The following ZPBP2 variants were observed in gnomAD, a reference collection of about 807,000 sequenced individuals.
ZPBP2 encodes zona pellucida binding protein 2.
Under a neutral mutation model 37.5 loss-of-function variants are expected in ZPBP2, and 34 were observed. The observed-to-expected ratio is 0.91, with a 90% CI of 0.69 to 1.21. ZPBP2 has a LOEUF of 1.21. Ranked by LOEUF, ZPBP2 falls within the 50% of genes most tolerant of loss-of-function variation. The pLI, the probability that ZPBP2 is intolerant of heterozygous loss-of-function variation, is 0.00. For missense variants in ZPBP2, 397 were observed against 413.5 expected (o/e 0.96, Z 0.35); for synonymous variants, 143 against 138.4 (o/e 1.03, Z -0.23).
chr17:39,871,406 G>A (rs946334751), intron 3 of ZPBP2, 58 bp from the exon 4 acceptor site: 104 of 1,245,232 alleles, frequency 8.4e-5, no homozygotes, highest in Non-Finnish European at 7.5e-5. Context: ...AACTCCAAGT[G>A]TACTAAATAA....
At position 39,868,261 on chromosome 17, in the gene ZPBP2, C is replaced by T. The variant is rs1174454667; in HGVS notation, c.-94C>T. The stretch of plus-strand genomic sequence containing the variant: ...GGGGAGGCGACCCCGGCGTTCTGCT[C>T]CGCACTGTGGAGGAGGTGGGGAGGT... On this transcript the variant is annotated 5_prime_UTR_variant, in exon 1 of 8. Transcript: ENST00000348931. 5 of 1,469,260 alleles carry T rather than the reference C, an allele frequency of 3.4e-6. No homozygotes were observed. The East Asian group carries it at 6.8e-5, about 20-fold the overall frequency. 91.0% of individuals were successfully genotyped at this position (1,469,260 alleles called of 1,614,324 possible).
At chr17:39,873,727 G>A (rs1216856917) in intron 6 of ZPBP2, among the ~76,000 whole-genome samples, 1 of 152,116 alleles carries the variant, frequency 6.6e-6, no homozygotes, top group South Asian at 2.1e-4. Context: ...GTCACCCTAC[G>A]TTAAGCCAAT....
intron 7 of ZPBP2, among the ~76,000 whole-genome samples, chr17:39,875,866 G>A (rs1317603483): frequency 1.4e-5 from 2 of 144,846 alleles, no homozygotes; most frequent in Non-Finnish European, 3.0e-5. Flanking sequence ...ATAGGTGTGG[G>A]CTACCATGCT....
At chr17:39,875,868 T>C (rs570020178) in intron 7 of ZPBP2, among the ~76,000 whole-genome samples, 1 of 144,310 alleles carries the variant, frequency 6.9e-6, no homozygotes, top group African/African-American at 2.5e-5. Context: ...AGGTGTGGGC[T>C]ACCATGCTTG....
chr17:39,869,915 A>G (rs1243184016), intron 2 of ZPBP2, among the ~76,000 whole-genome samples: 1 of 148,918 alleles, frequency 6.7e-6, no homozygotes, highest in Non-Finnish European at 1.5e-5. Context: ...GGGTTTCACC[A>G]CGTTGGTCAG....
In ZPBP2 at chr17:39,876,727, G is replaced by T; in HGVS notation, c.935G>T (p.Cys312Phe). ...TTTAGTCCTGATGTTAATGTAACTT[G>T]TCAGACCTGCGTTTCCGTCCTTACC... ...ATFSPDVNVT[C>F]QTCVSVLTYG... is the part of the protein sequence containing the mutation. The change falls in exon 8 of 8, where the codon TGT becomes TTT. Residue 312 changes from cysteine to phenylalanine, a missense_variant. By Grantham distance (205) the Cys-to-Phe change is radical. Coordinates refer to ENST00000348931, the MANE Select transcript of ZPBP2 (RefSeq NM_199321.3). 1.9e-6 allele frequency: 3 copies of T among 1,613,928 alleles called. No individual in the cohort carries two copies. Among genetic ancestry groups the T allele is most frequent in the Non-Finnish European group, 2.5e-6 (3 of 1,179,914 alleles).
intron 2 of ZPBP2, 129 bp downstream of exon 2, chr17:39,868,743 G>T: frequency 9.6e-7 from 1 of 1,040,516 alleles, no homozygotes; most frequent in Non-Finnish European, 1.4e-6. Flanking sequence ...CTAAGCATCT[G>T]CTTGGCAGTT....
At chr17:39,873,326 C>T (rs961065225) in intron 6 of ZPBP2, among the ~76,000 whole-genome samples, 200 bp downstream of exon 6, 4 of 151,896 alleles carry the variant, frequency 2.6e-5, no homozygotes, top group Admixed American at 1.3e-4. Context: ...GTAAATACTT[C>T]GTTATATTGA....
At chr17:39,871,685 G>T in intron 4 of ZPBP2, 60 bp downstream of exon 4, 1 of 1,332,878 alleles carries the variant, frequency 7.5e-7, no homozygotes, top group Non-Finnish European at 1.0e-6. Flanking sequence ...TAAGTGTATG[G>T]TTTCTTCATT....
In ZPBP2 at chr17:39,871,590, A is replaced by G; in HGVS notation, c.371A>G (p.Lys124Arg). 1 of 1,595,986 alleles carries G rather than the reference A, an allele frequency of 6.3e-7. No individual in the cohort carries two copies. The highest frequency in any genetic ancestry group is 8.5e-7 in the Non-Finnish European group (1 of 1,173,282). Residue 124 changes from lysine (K) to arginine (R), a missense_variant, in exon 4 of 8, where the codon AAA (lysine) becomes AGA (arginine). Lys to Arg is a conservative substitution (Grantham distance 26). Coordinates refer to ENST00000348931, the MANE Select transcript of ZPBP2 (RefSeq NM_199321.3). Reference protein sequence around the residue: ...KTVKAETQEEKTVKKRYDFMV... With the variant: ...KTVKAETQEERTVKKRYDFMV... Reference sequence around the variant, plus strand: ...GTTAAAGCAGAAACTCAAGAAGAAAAAACAGTCAAAAAGAGATATGACTTT... The same window carrying G: ...GTTAAAGCAGAAACTCAAGAAGAAAGAACAGTCAAAAAGAGATATGACTTT...
intron 2 of ZPBP2, among the ~76,000 whole-genome samples, chr17:39,869,823 C>G (rs1228293530): frequency 6.7e-6 from 1 of 149,206 alleles, no homozygotes; most frequent in Non-Finnish European, 1.5e-5. Flanking sequence ...AGCAATTCTT[C>G]TGCCTCAGCC....
intron 7 of ZPBP2, 101 bp downstream of exon 7, chr17:39,875,535 C>T: frequency 1.1e-6 from 1 of 888,802 alleles, no homozygotes; most frequent in Non-Finnish European, 1.5e-6. Flanking sequence ...TACAGTGATT[C>T]TCTTACCAAA....
intron 5 of ZPBP2, 82 bp downstream of exon 5, chr17:39,872,570 A>C: frequency 1.1e-6 from 1 of 927,344 alleles, no homozygotes. Context: ...AATATAAGAT[A>C]TTTTAAAAGT....
At chr17:39,869,390 T>TTTCC (rs71152614) in intron 2 of ZPBP2, among the ~76,000 whole-genome samples, 44,838 of 134,854 alleles carry the variant, frequency 0.33, 8,928 homozygotes, top group Non-Finnish European at 0.41. Flanking sequence ...TCTTTCTTTC[T>TTTCC]TTCCTTCCTT....
rs2063395240 is a variant in ZPBP2, at chr17:39,877,367, CTTACACAATTTCTCCTA to C, written c.*562_*578del. ...ACTGCACCCCATACCCTCATTCCTC[CTTACACAATTTCTCCTA>C]TTATTAAGATGGTGCATTAGTGTGG... On this transcript the variant is annotated 3_prime_UTR_variant, in exon 8 of 8. Coordinates refer to ENST00000348931, the MANE Select transcript of ZPBP2 (RefSeq NM_199321.3). 2 of 152,270 alleles carry C rather than the reference CTTACACAATTTCTCCTA, an allele frequency of 1.3e-5. No individual in the cohort carries two copies. Among genetic ancestry groups the C allele is most frequent in the Admixed American group, 1.3e-4 (2 of 15,290 alleles). The allele number at this position is 152,270 out of a possible 1,614,324, so 9.4% of individuals were successfully genotyped here.
Position 39,870,698 on chromosome 17 carries a change from A to T in ZPBP2, c.123A>T (p.Lys41Asn). The change falls in exon 3 of 8, where the codon AAA becomes AAT. Residue 41 changes from lysine to asparagine, a missense_variant. Transcript: ENST00000348931. ...CATTATTTTATTTCATCACAGACAA[A>T]ATATATGTAGAGTTACATCAAAATA... ...FIYGKTGQPD[K>N]IYVELHQNSP... 7.1e-7 allele frequency: 1 copy of T among 1,409,790 alleles called. No homozygotes were observed. Among genetic ancestry groups the T allele is most frequent in the Non-Finnish European group, 9.5e-7 (1 of 1,050,570 alleles). The allele number at this position is 1,409,790 out of a possible 1,614,324, so 87.3% of individuals were successfully genotyped here.
intron 5 of ZPBP2, 93 bp from the exon 6 acceptor site, chr17:39,872,951 G>A (rs2063371980): frequency 1.9e-6 from 2 of 1,046,286 alleles, no homozygotes; most frequent in South Asian, 1.4e-5. Flanking sequence ...ACATGTGCCT[G>A]CATGCACATG....
At position 39,876,661 on chromosome 17, in the gene ZPBP2, TC is replaced by T. The variant is rs767360416; in HGVS notation, c.890-18del. On this transcript the variant is annotated intron_variant, in intron 7 of 7. Transcript: ENST00000348931. ...TAAAATATCTCTAAATTATAATTAC[TC>T]CCTGTGTTTTCCTCTGCAGTGGTTT... The T allele has an allele frequency of 1.2e-6, 2 of 1,612,424 alleles. No individual in the cohort carries two copies. The highest frequency in any genetic ancestry group is 2.2e-5 in the South Asian group (2 of 90,996).
chr17:39,873,133 A>C lies in ZPBP2; in HGVS notation c.708+7A>C. ...TAATCATAATATCCTCCAGGTGAGAATTTCATGGTAAGGAAGAAGTATTTG... is the reference window on the plus strand; with the variant it reads ...TAATCATAATATCCTCCAGGTGAGACTTTCATGGTAAGGAAGAAGTATTTG... On this transcript the variant is annotated splice_region_variant and intron_variant, in intron 6 of 7. Transcript: ENST00000348931. 1 of 1,603,302 alleles carries C rather than the reference A, an allele frequency of 6.2e-7. No individual in the cohort carries two copies. Among genetic ancestry groups the C allele is most frequent in the Non-Finnish European group, 8.5e-7 (1 of 1,176,152 alleles).
Sources: allele counts gnomAD v4.1 joint callset (sites outside exome capture counted in the v4.1 genomes callset), GRCh38; gene constraint gnomAD v4.1.1; transcripts MANE v1.5; gene names NCBI Gene and HGNC (gene_info 2026-07-23, HGNC 2026-07-21).